The following GLI1 variants were observed in gnomAD, a reference collection of about 807,000 sequenced individuals.
The protein encoded by GLI1 is transcription activator GLI1.
GLI1 carries 51 observed loss-of-function variants against 87.8 expected under a neutral mutation model. The ratio of observed to expected loss-of-function variants is 0.58; its 90% CI spans 0.46 to 0.73. GLI1 has a LOEUF of 0.73. Ranked by LOEUF, GLI1 falls within the 30% of genes least tolerant of loss-of-function variation. The pLI is 0.00. For synonymous variants in GLI1, 528 were observed against 558.2 expected (o/e 0.95, Z 0.76); for missense variants, 1,292 against 1,437.2 (o/e 0.90, Z 1.63).
Position 57,459,938 on chromosome 12 carries a change from G to A in GLI1, c.-291G>A, listed in dbSNP as rs1157926469. On this transcript the variant is annotated 5_prime_UTR_variant, in exon 1 of 12. Transcript: ENST00000228682. ...AATAGAAGGGAGGTGAGGGGCGAGC[G>A]GGAAGAGCGGCGGCGCGCCAGCGGC... Among the ~76,000 whole-genome samples, 2 of 152,130 alleles carry A rather than the reference G, an allele frequency of 1.3e-5. No homozygotes were observed. Among genetic ancestry groups the A allele is most frequent in the Admixed American group, 1.3e-4 (2 of 15,274 alleles).
chr12:57,470,898 C>A lies in GLI1; in HGVS notation c.2158C>A (p.Pro720Thr), dbSNP rs767254882. Residue 720 changes from proline (P) to threonine (T), a missense_variant, in exon 12 of 12, where the codon CCC becomes ACC. By Grantham distance (38) the Pro-to-Thr change is conservative (BLOSUM62 -1). Coordinates refer to ENST00000228682, the MANE Select transcript of GLI1 (RefSeq NM_005269.3). Reference sequence around the variant, plus strand: ...CTCCATGGTGGGCAGTGGTCTGAACCCCTATATGGACTTCCCACCTACTGA... The same window carrying A: ...CTCCATGGTGGGCAGTGGTCTGAACACCTATATGGACTTCCCACCTACTGA... ...GTSMVGSGLN[P>T]YMDFPPTDTL... 1.9e-6 allele frequency: 3 copies of A among 1,613,420 alleles called. No individual in the cohort carries two copies. The highest frequency in any genetic ancestry group is 8.5e-7 in the Non-Finnish European group (1 of 1,179,676).
chr12:57,464,525 C>CA (rs79390304), intron 3 of GLI1, 148 bp from the exon 4 acceptor site: 41,329 of 508,706 alleles, frequency 0.081, 146 homozygotes, highest in African/African-American at 0.11. Context: ...CTGTGTCTCT[C>CA]AAAAAAAAAA....
In GLI1 at chr12:57,471,430, T is replaced by G; in HGVS notation, c.2690T>G (p.Leu897Arg). 1 of 1,613,808 alleles carries G rather than the reference T, an allele frequency of 6.2e-7. No individual in the cohort carries two copies. The highest frequency in any genetic ancestry group is 8.5e-7 in the Non-Finnish European group (1 of 1,179,922). The stretch of plus-strand genomic sequence containing the variant: ...TCCACAGGGCAGCTCAAGGCTCAGC[T>G]TGTGTGTAATTATGTTCAATCTCAA... ...THSTGQLKAQ[L>R]VCNYVQSQQE... The change falls in exon 12 of 12, where the codon CTT becomes CGT. Residue 897 changes from leucine (L) to arginine (R), a missense_variant. Physicochemically the swap from Leu to Arg is moderately radical, Grantham distance 102. Around this residue, in one of 3 missense-constraint regions of GLI1, gnomAD observed 897 missense variants for 1,040.7 expected, o/e 0.86. Coordinates refer to ENST00000228682, the MANE Select transcript of GLI1 (RefSeq NM_005269.3). This position sits in a 1 kb window ranked among gnomAD's most constrained non-coding sequence, Gnocchi z 4.9.
rs2139867169 is a variant in GLI1, at chr12:57,471,140, C to T, written c.2400C>T (p.Tyr800=). 3 of 1,612,346 alleles carry T rather than the reference C, an allele frequency of 1.9e-6. No homozygotes were observed. The highest frequency in any genetic ancestry group is 1.3e-5 in the African/African-American group (1 of 74,968). Residue 800 remains tyrosine (Y), a synonymous_variant, in exon 12 of 12, where the codon TAC becomes TAT. Coordinates refer to ENST00000228682, the MANE Select transcript of GLI1 (RefSeq NM_005269.3). This position sits in a 1 kb window ranked among gnomAD's most constrained non-coding sequence, Gnocchi z 4.9. ...YPGPKALGGT[Y]SQCPRLEHYG... ...GCCCCAAGGCTCTAGGTGGAACCTA[C>T]AGCCAGTGTCCTCGACTTGAACATT...
chr12:57,468,270 T>C, intron 10 of GLI1, 46 bp downstream of exon 10: 2 of 1,272,778 alleles, frequency 1.6e-6, no homozygotes, highest in South Asian at 2.5e-5. Flanking sequence ...CAGCCCACCC[T>C]GTGGACATCT....
chr12:57,467,979 C>G lies in GLI1; in HGVS notation c.1078-15C>G. The G allele has an allele frequency of 6.3e-7, 1 of 1,577,398 alleles. No homozygotes were observed. Among genetic ancestry groups the G allele is most frequent in the Non-Finnish European group, 8.7e-7 (1 of 1,146,718 alleles). On this transcript the variant is annotated splice_polypyrimidine_tract_variant and intron_variant, in intron 9 of 11. Transcript: ENST00000228682. Reference sequence around the variant, plus strand: ...TTGATCCGTTTGCCTTCTGTCTCCACTCTCCACTCAACAGAAGCCGTATGT... The same window carrying G: ...TTGATCCGTTTGCCTTCTGTCTCCAGTCTCCACTCAACAGAAGCCGTATGT...
chr12:57,464,136 C>T (rs762018143), intron 3 of GLI1, 45 bp downstream of exon 3: 5 of 1,268,124 alleles, frequency 3.9e-6, no homozygotes, highest in Non-Finnish European at 5.8e-6. Flanking sequence ...CCCTCTCTGA[C>T]TTGTTCTGAA....
Position 57,467,430 on chromosome 12 carries a change from G to T in GLI1, c.1010G>T (p.Gly337Val), listed in dbSNP as rs1466556322. ...AAGCCATACATGTGTGAGCACGAGG[G>T]CTGCAGTAAAGCCTTCAGCAATGCC... ...GEKPYMCEHE[G>V]CSKAFSNASD... Residue 337 changes from glycine (G) to valine (V), a missense_variant, in exon 9 of 12, where the codon GGC becomes GTC. By Grantham distance (109) the Gly-to-Val change is moderately radical. Around this residue, in one of 3 missense-constraint regions of GLI1, gnomAD observed 897 missense variants for 1,040.7 expected, o/e 0.86. Coordinates refer to ENST00000228682, the MANE Select transcript of GLI1 (RefSeq NM_005269.3). 1 of 1,612,886 alleles carries T rather than the reference G, an allele frequency of 6.2e-7. No individual in the cohort carries two copies. The highest frequency in any genetic ancestry group is 8.5e-7 in the Non-Finnish European group (1 of 1,178,980).
chr12:57,466,163 G>C lies in GLI1; in HGVS notation c.763-77G>C, dbSNP rs554911745. On this transcript the variant is annotated intron_variant, in intron 7 of 11. Transcript: ENST00000228682. ...GAGGTGGAGTCGTGGAAGAGGAACA[G>C]GGGGTGGAGGGAAGGTCTGTTCTGG... 12 of 1,451,828 alleles carry C rather than the reference G, an allele frequency of 8.3e-6. No individual in the cohort carries two copies. The East Asian group carries it at 1.1e-4, about 14-fold the overall frequency. 89.9% of individuals were successfully genotyped at this position (1,451,828 alleles called of 1,614,324 possible). A position where few individuals can be genotyped will look rare whatever the true frequency, so the allele number is the denominator to read the frequency against.
At chr12:57,463,377 C>T (rs1203393458) in intron 1 of GLI1, among the ~76,000 whole-genome samples, 3 of 152,180 alleles carry the variant, frequency 2.0e-5, no homozygotes, top group African/African-American at 7.2e-5. Flanking sequence ...GCCATCATGA[C>T]TGGCTAATTT....
intron 1 of GLI1, among the ~76,000 whole-genome samples, chr12:57,462,896 G>A (rs1173031954): frequency 6.6e-6 from 1 of 152,194 alleles, no homozygotes; most frequent in African/African-American, 2.4e-5. Context: ...GGCACGAGAA[G>A]GAAGGGGGAA....
chr12:57,461,608 G>C (rs926446605), intron 1 of GLI1, among the ~76,000 whole-genome samples: 1 of 152,210 alleles, frequency 6.6e-6, no homozygotes, highest in African/African-American at 2.4e-5. Context: ...CCTGCTTTCC[G>C]GATGTGCTGA....
rs200128720 is a variant in GLI1 at position 57,470,386 on chromosome 12, T to G, written c.1646T>G (p.Ile549Ser). Residue 549 changes from isoleucine to serine, a missense_variant, in exon 12 of 12, where the codon ATC becomes AGC. Physicochemically the swap from Ile to Ser is moderately radical, Grantham distance 142. Transcript: ENST00000228682. ...CGCCGCAGCAGCAGCTCCAGCAGCA[T>G]CAGCTCTGCCTATACTGTCAGCCGC... is the stretch of plus-strand genomic sequence containing the variant. ...LERRSSSSSSISSAYTVSRRS... is the reference protein window; with the variant it reads ...LERRSSSSSSSSSAYTVSRRS... 13 of 1,612,914 alleles carry G rather than the reference T, an allele frequency of 8.1e-6. No homozygotes were observed. The African/African-American group carries it at 9.3e-5, about 12-fold the overall frequency.
At position 57,469,418 on chromosome 12, in the gene GLI1, ATCT is replaced by A; in HGVS notation, c.1309-9_1309-7del. On this transcript the variant is annotated splice_polypyrimidine_tract_variant and intron_variant, in intron 10 of 11. Transcript: ENST00000228682. ...GGGAAGGGTGTTGCCCTCAGACCTC[ATCT>A]TCTCCACAGAAGCCACAGCCAAGCC... 1.2e-6 allele frequency: 2 copies of A among 1,612,430 alleles called. No individual in the cohort carries two copies. The highest frequency in any genetic ancestry group is 1.7e-6 in the Non-Finnish European group (2 of 1,179,482).
At chr12:57,462,902 G>C (rs1247288449) in intron 1 of GLI1, among the ~76,000 whole-genome samples, 1 of 152,188 alleles carries the variant, frequency 6.6e-6, no homozygotes, top group African/African-American at 2.4e-5. Context: ...AGAAGGAAGG[G>C]GGAACGGGCT....
chr12:57,467,561 T>C (rs1871579461), intron 9 of GLI1, 64 bp downstream of exon 9: 3 of 1,371,410 alleles, frequency 2.2e-6, no homozygotes, highest in South Asian at 2.6e-5. Flanking sequence ...GATTCCCCCA[T>C]AAGAAATCCC....
Position 57,472,242 on chromosome 12 carries a change from A to T in GLI1, c.*181A>T. 1.7e-6 allele frequency: 1 copy of T among 597,032 alleles called. No homozygotes were observed. Among genetic ancestry groups the T allele is most frequent in the Non-Finnish European group, 2.8e-6 (1 of 351,670 alleles). The allele number at this position is 597,032 out of a possible 1,614,324, so 37.0% of individuals were successfully genotyped here. On this transcript the variant is annotated 3_prime_UTR_variant, in exon 12 of 12. Coordinates refer to ENST00000228682, the MANE Select transcript of GLI1 (RefSeq NM_005269.3). ...AATTTGATAATGACACTGTTTCCTG[A>T]TAATAAAGGAACTGCATCAGAAAAA...
chr12:57,468,195 A>G lies in GLI1; in HGVS notation c.1279A>G (p.Ser427Gly), dbSNP rs2139860296. 1 of 1,614,002 alleles carries G rather than the reference A, an allele frequency of 6.2e-7. No individual in the cohort carries two copies. Among genetic ancestry groups the G allele is most frequent in the South Asian group, 1.1e-5 (1 of 91,084 alleles). The stretch of plus-strand genomic sequence containing the variant: ...GGAAGGAGGTCCCATCAGGGAGGAA[A>G]GCAGACTGACTGTGCCAGAGGGTGC... ...EREGGPIREESRLTVPEGAMK... is the reference protein window; with the variant it reads ...EREGGPIREEGRLTVPEGAMK... Residue 427 changes from serine (S) to glycine (G), a missense_variant, in exon 10 of 12, where the codon AGC (serine) becomes GGC (glycine). Ser to Gly is a moderately conservative substitution (Grantham distance 56, BLOSUM62 0). This residue lies in a region of GLI1 where 897 missense variants were observed against 1,040.7 expected (regional missense o/e 0.86). Coordinates refer to ENST00000228682, the MANE Select transcript of GLI1 (RefSeq NM_005269.3).
In GLI1 at chr12:57,463,780, TG is replaced by T; in HGVS notation, c.93del (p.Thr32GlnfsTer46). The T allele has an allele frequency of 6.3e-7, 1 of 1,593,200 alleles. No individual in the cohort carries two copies. On this transcript the variant is annotated frameshift_variant, in exon 2 of 12. Transcript: ENST00000228682. LOFTEE classifies it high-confidence loss of function. Reference sequence around the variant, plus strand: ...CTCCCCAGTCAGGGGGCCCCCAGTGTGGGGACAGAAGGTCAGTGTATATACC... The same window carrying T: ...CTCCCCAGTCAGGGGGCCCCCAGTGTGGGACAGAAGGTCAGTGTATATACC... Reference protein sequence around the residue: ...RPLPSQGAPSVGTEGLSGPPF... With the variant: ...RPLPSQGAPSXGTEGLSGPPF...
Sources: gnomAD v4.1 joint callset for allele counts (sites outside exome capture counted in the v4.1 genomes callset) on GRCh38, gnomAD v4.1.1 for gene constraint, gnomAD v4.1.1 regional missense constraint, Gnocchi (gnomAD v3.1) non-coding constraint, MANE v1.5 for transcripts, NCBI Gene and HGNC (gene_info 2026-07-23, HGNC 2026-07-21) for gene names.